Variants in ATP2C2 observed in about 807,000 individuals in gnomAD.
The protein encoded by ATP2C2 is ATPase secretory pathway Ca2+ transporting 2.
A neutral mutation model predicts 110.8 loss-of-function variants in ATP2C2; 171 were observed. The observed-to-expected ratio is 1.54, with a 90% CI of 1.36 to 1.75. The LOEUF is 1.75. Among genes scored for constraint, ATP2C2 ranks in the 40% most tolerant of loss-of-function variants. The pLI is 0.00. For synonymous variants in ATP2C2, 804 were observed against 508.4 expected, an observed-to-expected ratio of 1.58 and a Z score of -7.82; for missense variants, 1,963 against 1,235.0, an observed-to-expected ratio of 1.59 and a Z score of -8.84.
At chr16:84,410,978 A>G (rs1906233447) in intron 6 of ATP2C2, 3 of 591,170 alleles carry the variant, frequency 5.1e-6, no homozygotes, top group African/African-American at 3.7e-5. Flanking sequence ...CAGCTCCATC[A>G]TCAGTGTCTA....
chr16:84,443,232 C>T (rs535369374), intron 15 of ATP2C2, among the ~76,000 whole-genome samples: 1 of 152,152 alleles, frequency 6.6e-6, no homozygotes, highest in African/African-American at 2.4e-5. Context: ...AAAGGAGGGG[C>T]CGGCAGAGGT....
At chr16:84,409,947 T>C (rs781226216) in intron 4 of ATP2C2, among the ~76,000 whole-genome samples, 47 of 152,130 alleles carry the variant, frequency 3.1e-4, no homozygotes, top group South Asian at 6.2e-4. Context: ...CGGTGGCTCA[T>C]GCCTGTAATC....
At chr16:84,436,707 A>C (rs1315326447) in intron 11 of ATP2C2, among the ~76,000 whole-genome samples, 1 of 150,522 alleles carries the variant, frequency 6.6e-6, no homozygotes, top group Non-Finnish European at 1.5e-5. Flanking sequence ...GGATCCGGCC[A>C]ACCTCCCTCA....
chr16:84,397,803 C>T lies in ATP2C2; in HGVS notation c.100-696C>T, dbSNP rs189958460. 2.2e-3 allele frequency among the ~76,000 whole-genome samples: 327 copies of T among 151,864 alleles called. 9 individuals are homozygous for T. Among genetic ancestry groups the T allele is most frequent in the African/African-American group, 7.0e-3 (289 of 41,242 alleles). On this transcript the variant is annotated intron_variant, in intron 1 of 26. Coordinates refer to ENST00000262429, the MANE Select transcript of ATP2C2 (RefSeq NM_014861.4). ...AATACTAAGCTGCTGTGAAAATTAG[C>T]GTACTGTTGCTACATGCATTCTCAC... is the stretch of plus-strand genomic sequence containing the variant.
At chr16:84,455,078 G>A (rs528855594) in intron 21 of ATP2C2, 94 bp downstream of exon 21, 13 of 1,445,488 alleles carry the variant, frequency 9.0e-6, no homozygotes, top group Non-Finnish European at 1.2e-5. Flanking sequence ...AGAGGGGGGG[G>A]TCTCGCGGAG....
intron 6 of ATP2C2, 53 bp from the exon 7 acceptor site, chr16:84,415,430 A>T (rs561594223): frequency 2.0e-6 from 3 of 1,468,106 alleles, no homozygotes; most frequent in Non-Finnish European, 2.9e-6. Flanking sequence ...ATCAAGGTGC[A>T]TAAAAACAAA....
intron 6 of ATP2C2, 84 bp from the exon 7 acceptor site, chr16:84,415,399 C>G (rs1906740500): frequency 3.5e-6 from 4 of 1,158,270 alleles, no homozygotes; most frequent in East Asian, 2.3e-5. Flanking sequence ...AAGTGTGTTT[C>G]TATTCTCCTT....
At chr16:84,386,604 G>T (rs1051935466) in intron 1 of ATP2C2, among the ~76,000 whole-genome samples, 1 of 152,166 alleles carries the variant, frequency 6.6e-6, no homozygotes, top group African/African-American at 2.4e-5. Context: ...GCTCGCTGGT[G>T]TCACACTCCC....
At chr16:84,416,647 G>T (rs1303266544) in intron 7 of ATP2C2, among the ~76,000 whole-genome samples, 2 of 152,188 alleles carry the variant, frequency 1.3e-5, no homozygotes, top group African/African-American at 4.8e-5. Context: ...CAGATTTCCA[G>T]GCAGGGCAGG....
intron 7 of ATP2C2, among the ~76,000 whole-genome samples, chr16:84,419,238 A>AAAAG (rs1555559558): frequency 1.4e-5 from 2 of 138,356 alleles, no homozygotes; most frequent in African/African-American, 5.5e-5. Context: ...AAAAAAAAAA[A>AAAAG]GTGCTACTGG....
Position 84,460,808 on chromosome 16 carries a change from G to C in ATP2C2, c.2481+7G>C, listed in dbSNP as rs115593981. 1.9e-5 allele frequency: 30 copies of C among 1,609,220 alleles called. No individual in the cohort carries two copies. The African/African-American group carries it at 3.2e-4, about 17-fold the overall frequency. On this transcript the variant is annotated splice_region_variant and intron_variant, in intron 24 of 26. Coordinates refer to ENST00000262429, the MANE Select transcript of ATP2C2 (RefSeq NM_014861.4). ...CTTTATCTTCTGGAAGGAGGTGAGC[G>C]AGGGTCACCCCGGCCTGTTCTCCAA...
At chr16:84,413,766 A>G (rs1042289009) in intron 6 of ATP2C2, among the ~76,000 whole-genome samples, 1 of 151,828 alleles carries the variant, frequency 6.6e-6, no homozygotes, top group South Asian at 2.1e-4. Flanking sequence ...CCCATTTCCA[A>G]CTCAGGGGAA....
chr16:84,453,759 C>G (rs538582908), intron 20 of ATP2C2, among the ~76,000 whole-genome samples: 1 of 152,234 alleles, frequency 6.6e-6, no homozygotes, highest in African/African-American at 2.4e-5. Flanking sequence ...ACTGGGGGAC[C>G]TTTGCTACAT....
In ATP2C2 at chr16:84,436,363, C is replaced by T. The variant is rs1012061528; in HGVS notation, c.987-2803C>T. 1.3e-5 allele frequency among the ~76,000 whole-genome samples: 2 copies of T among 152,244 alleles called. 1 individual carries two copies. Among genetic ancestry groups the T allele is most frequent in the Middle Eastern group, 6.8e-3 (2 of 294 alleles). On this transcript the variant is annotated intron_variant, in intron 11 of 26. Coordinates refer to ENST00000262429, the MANE Select transcript of ATP2C2 (RefSeq NM_014861.4). ...TAGAGGAGGGCCTGGGCTCTGGGAT[C>T]GCCACGTGGGCTTGCTCGCCCTGGC...
intron 6 of ATP2C2, among the ~76,000 whole-genome samples, chr16:84,413,055 T>C (rs1262242300): frequency 1.3e-5 from 2 of 148,498 alleles, no homozygotes; most frequent in Non-Finnish European, 1.5e-5. Context: ...CCAAGAGTGC[T>C]CCATTGTACT....
intron 26 of ATP2C2, chr16:84,463,038 C>G (rs1183678168): frequency 9.5e-5 from 15 of 157,746 alleles, no homozygotes; most frequent in Admixed American, 2.5e-4. Context: ...AAACACTCTG[C>G]TCACTGGCTG....
intron 1 of ATP2C2, among the ~76,000 whole-genome samples, chr16:84,382,228 A>G (rs1910617985): frequency 6.6e-6 from 1 of 152,160 alleles, no homozygotes; most frequent in South Asian, 2.1e-4. Context: ...GAGTGAGAAC[A>G]TACGGTGTTT....
At chr16:84,416,527 A>AC (rs1447344743) in intron 7 of ATP2C2, among the ~76,000 whole-genome samples, 11 of 151,988 alleles carry the variant, frequency 7.2e-5, no homozygotes, top group Admixed American at 4.6e-4. Context: ...GTTGGAAGCT[A>AC]CCCCCTGGGA....
intron 1 of ATP2C2, among the ~76,000 whole-genome samples, chr16:84,370,089 C>T (rs1006233536): frequency 6.6e-6 from 1 of 152,110 alleles, no homozygotes; most frequent in Admixed American, 6.6e-5. Context: ...TCAAACTCTC[C>T]TGGTGTGTAG....
Sources: allele counts gnomAD v4.1 joint callset (sites outside exome capture counted in the v4.1 genomes callset), GRCh38; gene constraint gnomAD v4.1.1; transcripts MANE v1.5; gene names NCBI Gene and HGNC (gene_info 2026-07-23, HGNC 2026-07-21).